The following RECK variants were observed in gnomAD, a reference collection of about 807,000 sequenced individuals.
The protein encoded by RECK is reversion-inducing cysteine-rich protein with Kazal motifs.
Under a neutral mutation model 115.1 loss-of-function variants are expected in RECK, and 69 were observed. That is an observed-to-expected ratio of 0.60 (90% CI 0.49 to 0.73). The LOEUF is 0.73. Ranked by LOEUF, RECK falls within the 30% of genes least tolerant of loss-of-function variation. The pLI is 0.00. For missense variants in RECK, 1,047 were observed against 1,203.7 expected (o/e 0.87, Z 1.93); for synonymous variants, 414 against 419.7 (o/e 0.99, Z 0.17).
chr9:36,101,202 C>T (rs868021723), intron 11 of RECK, among the ~76,000 whole-genome samples: 1 of 152,150 alleles, frequency 6.6e-6, no homozygotes, highest in Non-Finnish European at 1.5e-5. Context: ...CCACCCGCCT[C>T]GGCCTCCCTA....
chr9:36,111,093 A>AT (rs1259160735), intron 15 of RECK, among the ~76,000 whole-genome samples: 1 of 152,146 alleles, frequency 6.6e-6, no homozygotes, highest in Non-Finnish European at 1.5e-5. Context: ...ACTTTTTAAA[A>AT]TTTTTTTGTT....
chr9:36,097,370 A>G (rs1476622899), intron 10 of RECK, among the ~76,000 whole-genome samples: 1 of 152,084 alleles, frequency 6.6e-6, no homozygotes, highest in African/African-American at 2.4e-5. Context: ...AGAAACTTTC[A>G]AAGACCCTTT....
intron 6 of RECK, among the ~76,000 whole-genome samples, chr9:36,065,866 C>T (rs1295967618): frequency 2.0e-5 from 3 of 152,154 alleles, no homozygotes; most frequent in Non-Finnish European, 2.9e-5. Context: ...AGGATTTAAC[C>T]TATAATATTT....
At chr9:36,091,633 GA>G (rs1823158276) in intron 10 of RECK, among the ~76,000 whole-genome samples, 1 of 152,164 alleles carries the variant, frequency 6.6e-6, no homozygotes, top group Non-Finnish European at 1.5e-5. Context: ...ATTCATTGTA[GA>G]ATAAATTATT....
rs776154072 is a variant in RECK, at chr9:36,083,372, G to A, written c.447G>A (p.Ser149=). The A allele has an allele frequency of 3.7e-6, 6 of 1,613,566 alleles. No individual in the cohort carries two copies. Among genetic ancestry groups the A allele is most frequent in the East Asian group, 4.5e-5 (2 of 44,868 alleles). The change falls in exon 8 of 21, where the codon TCG becomes TCA. Residue 149 remains serine, a synonymous_variant. Transcript: ENST00000377966. ...FSCISRNEMG[S]VCCSYAGHHT... ...CTCTTTTTTTCTCCATAGTGGGCTC[G>A]GTTTGTTGCAGTTATGCAGGTCATC...
intron 5 of RECK, among the ~76,000 whole-genome samples, chr9:36,064,693 T>C (rs1821917954): frequency 6.6e-6 from 1 of 152,194 alleles, no homozygotes; most frequent in Non-Finnish European, 1.5e-5. Context: ...CCTCCAGGCA[T>C]TGAGGTGAAG....
Position 36,109,989 on chromosome 9 carries a change from G to A in RECK, c.1798G>A (p.Val600Ile), listed in dbSNP as rs371492299. The A allele has an allele frequency of 6.3e-5, 101 of 1,613,386 alleles. No individual in the cohort carries two copies. Among genetic ancestry groups the A allele is most frequent in the Non-Finnish European group, 8.1e-5 (95 of 1,179,466 alleles). Reference protein sequence around the residue: ...HGTSFSIDCNVCSCFAGNLVC... With the variant: ...HGTSFSIDCNICSCFAGNLVC... ...AACATCCTTTAGTATTGACTGCAAT[G>A]TCTGTTCTTGTTTTGCTGGCAATTT... Residue 600 changes from valine (V) to isoleucine (I), a missense_variant, in exon 15 of 21, where the codon GTC (valine) becomes ATC (isoleucine). Val to Ile is a conservative substitution (Grantham distance 29). Transcript: ENST00000377966.
At chr9:36,092,310 TA>T (rs1823187930) in intron 10 of RECK, among the ~76,000 whole-genome samples, 8 of 152,168 alleles carry the variant, frequency 5.3e-5, no homozygotes, top group African/African-American at 1.7e-4. Context: ...CCGCACAAAA[TA>T]TAAAAGAACA....
chr9:36,039,984 G>A (rs942802285), intron 1 of RECK, among the ~76,000 whole-genome samples: 11 of 152,262 alleles, frequency 7.2e-5, no homozygotes, highest in African/African-American at 2.6e-4. Flanking sequence ...TTCACTGTGT[G>A]CCACTTGTAG....
At position 36,113,438 on chromosome 9, in the gene RECK, G is replaced by A. The variant is rs1370957434; in HGVS notation, c.2060+962G>A. On this transcript the variant is annotated intron_variant, in intron 16 of 20. Coordinates refer to ENST00000377966, the MANE Select transcript of RECK (RefSeq NM_021111.3). Reference sequence around the variant, plus strand: ...AGAAAGTTTCTATGGAAAGAAGACAGGACGCAATGCATAAGAAATAAGCTG... The same window carrying A: ...AGAAAGTTTCTATGGAAAGAAGACAAGACGCAATGCATAAGAAATAAGCTG... 2.0e-5 allele frequency among the ~76,000 whole-genome samples: 3 copies of A among 152,164 alleles called. No individual in the cohort carries two copies. In the East Asian group the frequency reaches 5.8e-4, roughly 29 times the overall value.
intron 13 of RECK, among the ~76,000 whole-genome samples, chr9:36,105,521 G>A (rs780262844): frequency 4.6e-5 from 7 of 152,062 alleles, no homozygotes; most frequent in Non-Finnish European, 1.0e-4. Context: ...ATCCTCCATT[G>A]TTATTTAAAT....
chr9:36,109,866 T>C, intron 14 of RECK, 91 bp from the exon 15 acceptor site: 2 of 1,266,132 alleles, frequency 1.6e-6, no homozygotes, highest in Non-Finnish European at 2.2e-6. Flanking sequence ...GGAATTTCCA[T>C]TTTAAAACTT....
chr9:36,085,591 G>A (rs996486483), intron 8 of RECK: 4 of 151,852 alleles, frequency 2.6e-5, no homozygotes, highest in African/African-American at 9.7e-5. Context: ...GCTGGGTGTG[G>A]TGACACACCC....
chr9:36,116,124 C>CT, intron 16 of RECK, among the ~76,000 whole-genome samples: 1 of 132,448 alleles, frequency 7.6e-6, no homozygotes, highest in South Asian at 2.4e-4. Flanking sequence ...AAGAGTGAGG[C>CT]CTTTTTTTTT....
chr9:36,042,377 C>CA (rs765544345), intron 1 of RECK, among the ~76,000 whole-genome samples: 4 of 151,786 alleles, frequency 2.6e-5, no homozygotes, highest in Admixed American at 6.6e-5. Flanking sequence ...CAGGTTGCTG[C>CA]AAATGCCATT....
At chr9:36,055,745 C>T (rs940271071) in intron 2 of RECK, among the ~76,000 whole-genome samples, 1 of 151,792 alleles carries the variant, frequency 6.6e-6, no homozygotes, top group South Asian at 2.1e-4. Flanking sequence ...GTATTTCCAA[C>T]TCTCAGTTCT....
intron 2 of RECK, among the ~76,000 whole-genome samples, chr9:36,053,115 G>A (rs1821373538): frequency 6.6e-6 from 1 of 152,162 alleles, no homozygotes; most frequent in African/African-American, 2.4e-5. Context: ...TAAAGCAAAT[G>A]TTGCAAAGTG....
At chr9:36,054,881 G>T (rs1821462044) in intron 2 of RECK, among the ~76,000 whole-genome samples, 1 of 152,110 alleles carries the variant, frequency 6.6e-6, no homozygotes, top group African/African-American at 2.4e-5. Context: ...TTTTTGAGTT[G>T]ATTGGTGAAG....
In RECK at chr9:36,112,367, C is replaced by G. The variant is rs772064689; in HGVS notation, c.1951C>G (p.Pro651Ala). The G allele has an allele frequency of 6.2e-7, 1 of 1,613,744 alleles. No individual in the cohort carries two copies. Among genetic ancestry groups the G allele is most frequent in the Non-Finnish European group, 8.5e-7 (1 of 1,179,992 alleles). ...ATGTGGGCAGAATGGGCGCACTTACCCCAGTGCCTGCATTGCTCGCTGTGT... is the reference window on the plus strand; with the variant it reads ...ATGTGGGCAGAATGGGCGCACTTACGCCAGTGCCTGCATTGCTCGCTGTGT... The part of the protein sequence containing the change: ...PVCGQNGRTY[P>A]SACIARCVGL... The change falls in exon 16 of 21, where the codon CCC becomes GCC. Residue 651 changes from proline to alanine, a missense_variant. Transcript: ENST00000377966.
Sources: allele counts gnomAD v4.1 joint callset (sites outside exome capture counted in the v4.1 genomes callset), GRCh38; gene constraint gnomAD v4.1.1; transcripts MANE v1.5; gene names NCBI Gene and HGNC (gene_info 2026-07-23, HGNC 2026-07-21).